Variants in PHLPP2 observed in about 807,000 individuals in gnomAD.
PHLPP2 encodes PH domain and leucine rich repeat protein phosphatase 2.
PHLPP2 carries 66 observed loss-of-function variants against 124.9 expected under a neutral mutation model. The ratio of observed to expected loss-of-function variants is 0.53; its 90% CI spans 0.43 to 0.65. The LOEUF (loss-of-function observed/expected upper bound fraction) is 0.65, where lower values mean the gene tolerates loss of function less well. Ranked by LOEUF, PHLPP2 falls within the 30% of genes least tolerant of loss-of-function variation. The pLI is 0.00. For synonymous variants in PHLPP2, 681 were observed against 624.7 expected (o/e 1.09, Z -1.34); for missense variants, 1,685 against 1,600.4 (o/e 1.05, Z -0.90).
chr16:71,714,080 C>T (rs913359139), intron 2 of PHLPP2, among the ~76,000 whole-genome samples: 1 of 151,730 alleles, frequency 6.6e-6, no homozygotes, highest in Non-Finnish European at 1.5e-5. Flanking sequence ...GCTGGGATTA[C>T]AGGTGCGCAC....
At chr16:71,712,976 GAACT>G (rs1437633492) in intron 2 of PHLPP2, among the ~76,000 whole-genome samples, 1 of 152,102 alleles carries the variant, frequency 6.6e-6, no homozygotes, top group Non-Finnish European at 1.5e-5. Context: ...CTAATTCAAA[GAACT>G]AACAGCGATT....
chr16:71,700,529 T>TC (rs1168176442), intron 3 of PHLPP2, among the ~76,000 whole-genome samples: 1 of 138,126 alleles, frequency 7.2e-6, no homozygotes, highest in Non-Finnish European at 1.6e-5. Context: ...CTTTTTTTTT[T>TC]TTTTTTTTTT....
rs12927490 is a variant in PHLPP2 at position 71,720,172 on chromosome 16, T to G, written c.-7+4157A>C. Among the ~76,000 whole-genome samples, 41 of 151,880 alleles carry G rather than the reference T, an allele frequency of 2.7e-4. No homozygotes were observed. The South Asian group carries it at 3.5e-3, about 13-fold the overall frequency. On this transcript the variant is annotated intron_variant, in intron 1 of 18. Transcript: ENST00000568954. Reference sequence around the variant, plus strand: ...TTTTAGTAGAGACGGGGTTTCACTGTGTTAGCCAGGATGGTCTCGATCTCC... The same window carrying G: ...TTTTAGTAGAGACGGGGTTTCACTGGGTTAGCCAGGATGGTCTCGATCTCC...
At chr16:71,692,796 A>T (rs2045128031) in intron 3 of PHLPP2, among the ~76,000 whole-genome samples, 1 of 150,250 alleles carries the variant, frequency 6.7e-6, no homozygotes, top group Non-Finnish European at 1.5e-5. Context: ...TGTTAAGTAA[A>T]TAGTTGTTAT....
chr16:71,684,448 CACATCAGAACATCCCA>C lies in PHLPP2; in HGVS notation c.735+12_735+27del, dbSNP rs1191632849. 6.2e-7 allele frequency: 1 copy of C among 1,612,302 alleles called. No individual in the cohort carries two copies. On this transcript the variant is annotated intron_variant, in intron 5 of 18. Transcript: ENST00000568954. Reference sequence around the variant, plus strand: ...GCCTAGGGTTCTCTATTCTTATCTCCACATCAGAACATCCCATTACTTTTCACCTTGGATGCTTGCC... The same window carrying C: ...GCCTAGGGTTCTCTATTCTTATCTCCTTACTTTTCACCTTGGATGCTTGCC...
chr16:71,687,257 G>A (rs912864794), intron 4 of PHLPP2, among the ~76,000 whole-genome samples: 2 of 152,044 alleles, frequency 1.3e-5, no homozygotes, highest in African/African-American at 4.8e-5. Context: ...TTTTTAATGG[G>A]TTTGTCTTTT....
chr16:71,668,480 G>A (rs375111129), intron 11 of PHLPP2, among the ~76,000 whole-genome samples: 1 of 147,962 alleles, frequency 6.8e-6, no homozygotes, highest in Admixed American at 6.8e-5. Context: ...CTACATCCAA[G>A]GCCAGGTGTG....
At chr16:71,722,195 G>A (rs1022278384) in intron 1 of PHLPP2, among the ~76,000 whole-genome samples, 1 of 152,104 alleles carries the variant, frequency 6.6e-6, no homozygotes, top group African/African-American at 2.4e-5. Context: ...ACTTCGGGAG[G>A]CCAAGGCGGG....
chr16:71,680,742 C>T (rs190337175), intron 6 of PHLPP2, among the ~76,000 whole-genome samples: 9 of 152,230 alleles, frequency 5.9e-5, no homozygotes, highest in African/African-American at 1.2e-4. Flanking sequence ...TTCTGATTTC[C>T]GGATGACCTA....
In PHLPP2 at chr16:71,702,106, C is replaced by A. The variant is rs566685466; in HGVS notation, c.418+492G>T. 2.0e-5 allele frequency among the ~76,000 whole-genome samples: 3 copies of A among 152,168 alleles called. No homozygotes were observed. The East Asian group carries it at 5.8e-4, about 29-fold the overall frequency. On this transcript the variant is annotated intron_variant, in intron 3 of 18. Coordinates refer to ENST00000568954, the MANE Select transcript of PHLPP2 (RefSeq NM_015020.3). ...TTAACTATTATAGTGATAGATGGGTCGTGTTCCTCAAATTCATCTTAAAAT... is the reference window on the plus strand; with the variant it reads ...TTAACTATTATAGTGATAGATGGGTAGTGTTCCTCAAATTCATCTTAAAAT...
At chr16:71,678,023 G>A (rs1000761873) in intron 8 of PHLPP2, 1 of 152,042 alleles carries the variant, frequency 6.6e-6, no homozygotes, top group African/African-American at 2.4e-5. Context: ...TGAGAAAATG[G>A]GAATTCTCAT....
chr16:71,685,351 A>T (rs2045045632), intron 4 of PHLPP2, among the ~76,000 whole-genome samples: 1 of 152,134 alleles, frequency 6.6e-6, no homozygotes, highest in African/African-American at 2.4e-5. Flanking sequence ...ATTCTCCCCC[A>T]AATTCCAACA....
chr16:71,716,811 A>T (rs1597020585), intron 1 of PHLPP2, among the ~76,000 whole-genome samples: 1 of 152,220 alleles, frequency 6.6e-6, no homozygotes, highest in Non-Finnish European at 1.5e-5. Context: ...TATTCTCCCT[A>T]GACAGAATTA....
chr16:71,686,497 A>T (rs1223391564), intron 4 of PHLPP2, among the ~76,000 whole-genome samples: 1 of 151,732 alleles, frequency 6.6e-6, no homozygotes, highest in Non-Finnish European at 1.5e-5. Flanking sequence ...TTTTTAATTC[A>T]CTAAGTAACC....
Position 71,649,855 on chromosome 16 carries a change from C to A in PHLPP2, c.3007G>T (p.Val1003Leu), listed in dbSNP as rs143977373. ...YTEAVNAVRH[V>L]QDPLAAAKKL... ...TTAGCAGCTGCTAATGGGTCTTGTACGTGACGTACAGCATTGACAGCTTCT... is the reference window on the plus strand; with the variant it reads ...TTAGCAGCTGCTAATGGGTCTTGTAAGTGACGTACAGCATTGACAGCTTCT... Residue 1003 changes from valine (V) to leucine (L), a missense_variant, in exon 19 of 19, where the codon GTA (valine) becomes TTA (leucine). Transcript: ENST00000568954. The A allele has an allele frequency of 6.8e-6, 11 of 1,614,092 alleles. No homozygotes were observed. In the African/African-American group the frequency reaches 1.3e-4, roughly 20 times the overall value.
At chr16:71,668,622 TGTG>T (rs1379925689) in intron 11 of PHLPP2, among the ~76,000 whole-genome samples, 2 of 151,390 alleles carry the variant, frequency 1.3e-5, no homozygotes, top group Non-Finnish European at 2.9e-5. Context: ...ATTAGCTGGG[TGTG>T]GTGGTGTGCA....
chr16:71,703,743 T>C (rs191604938), intron 2 of PHLPP2, among the ~76,000 whole-genome samples: 16 of 152,314 alleles, frequency 1.1e-4, no homozygotes, highest in Admixed American at 5.9e-4. Flanking sequence ...ATCATGGGAA[T>C]AGCAACAATA....
At position 71,679,474 on chromosome 16, in the gene PHLPP2, A is replaced by T; in HGVS notation, c.952T>A (p.Leu318Ile). Residue 318 changes from leucine (L) to isoleucine (I), a missense_variant, in exon 7 of 19, where the codon TTA becomes ATA. Coordinates refer to ENST00000568954, the MANE Select transcript of PHLPP2 (RefSeq NM_015020.3). Reference sequence around the variant, plus strand: ...TCAGTCAGGGTAGAGATCTCGCATAACAATATAGGAAACAACCCAAGTTTA... The same window carrying T: ...TCAGTCAGGGTAGAGATCTCGCATATCAATATAGGAAACAACCCAAGTTTA... ...HNKLGLFPIL[L>I]CEISTLTELN... is the part of the protein sequence containing the mutation. 6.2e-7 allele frequency: 1 copy of T among 1,613,830 alleles called. No individual in the cohort carries two copies. The highest frequency in any genetic ancestry group is 8.5e-7 in the Non-Finnish European group (1 of 1,179,736).
Position 71,678,795 on chromosome 16 carries a change from C to T in PHLPP2, c.1228G>A (p.Val410Met). Residue 410 changes from valine to methionine, a missense_variant, in exon 8 of 19, where the codon GTG becomes ATG. Val to Met is a conservative substitution (Grantham distance 21, BLOSUM62 1). Transcript: ENST00000568954. ...GNCLEVLNLG[V>M]LNRMNHIKHV... Reference sequence around the variant, plus strand: ...TTGATATGGTTCATCCTATTCAGCACCCCTAAGTTCAGGACTTCCAGGCAA... The same window carrying T: ...TTGATATGGTTCATCCTATTCAGCATCCCTAAGTTCAGGACTTCCAGGCAA... 6.2e-7 allele frequency: 1 copy of T among 1,609,948 alleles called. No individual in the cohort carries two copies. Among genetic ancestry groups the T allele is most frequent in the Non-Finnish European group, 8.5e-7 (1 of 1,176,230 alleles).
Sources: allele counts gnomAD v4.1 joint callset (sites outside exome capture counted in the v4.1 genomes callset), GRCh38; gene constraint gnomAD v4.1.1; transcripts MANE v1.5; gene names NCBI Gene and HGNC (gene_info 2026-07-23, HGNC 2026-07-21).